The following LRRTM4 variants were observed in gnomAD, a reference collection of about 807,000 sequenced individuals.
LRRTM4 encodes the protein leucine-rich repeat transmembrane neuronal protein 4.
A neutral mutation model predicts 47.6 loss-of-function variants in LRRTM4; 25 were observed. The observed-to-expected ratio is 0.53, with a 90% CI of 0.38 to 0.73. The LOEUF (loss-of-function observed/expected upper bound fraction) is 0.73, where lower values mean the gene tolerates loss of function less well. Among genes scored for constraint, LRRTM4 ranks in the 30% least tolerant of loss-of-function variants. The pLI is 0.00. For missense variants in LRRTM4, 638 were observed against 713.4 expected, an observed-to-expected ratio of 0.89 and a Z score of 1.20; for synonymous variants, 311 against 269.5, an observed-to-expected ratio of 1.15 and a Z score of -1.51.
chr2:77,230,582 C>T (rs1425129564), intron 3 of LRRTM4, among the ~76,000 whole-genome samples: 2 of 152,070 alleles, frequency 1.3e-5, no homozygotes, highest in Admixed American at 6.6e-5. Context: ...TTTTGACATT[C>T]TTTCCTAAAA....
At chr2:76,808,298 C>G (rs1022476005) in intron 3 of LRRTM4, among the ~76,000 whole-genome samples, 1 of 152,032 alleles carries the variant, frequency 6.6e-6, no homozygotes, top group East Asian at 1.9e-4. Context: ...AGTGAGCCAC[C>G]GCAGCTGGCC....
chr2:76,788,432 A>AAAAT (rs1674794332), intron 3 of LRRTM4, among the ~76,000 whole-genome samples: 1 of 152,194 alleles, frequency 6.6e-6, no homozygotes. Flanking sequence ...AATCAGAACA[A>AAAAT]AAATAAGCTT....
intron 3 of LRRTM4, among the ~76,000 whole-genome samples, chr2:77,437,310 C>A (rs1429563904): frequency 6.6e-6 from 1 of 152,134 alleles, no homozygotes; most frequent in African/African-American, 2.4e-5. Flanking sequence ...ATATGCTTTG[C>A]ATTTCACAAC....
chr2:77,220,579 G>A (rs1412463063), intron 3 of LRRTM4, among the ~76,000 whole-genome samples: 1 of 152,200 alleles, frequency 6.6e-6, no homozygotes, highest in Non-Finnish European at 1.5e-5. Flanking sequence ...AGTAACCGAT[G>A]TGATCAACTG....
At chr2:77,068,782 C>A (rs1680047517) in intron 3 of LRRTM4, among the ~76,000 whole-genome samples, 1 of 152,164 alleles carries the variant, frequency 6.6e-6, no homozygotes, top group Admixed American at 6.5e-5. Flanking sequence ...CCAAAACTGG[C>A]CATAAACAAA....
At chr2:76,905,516 T>C (rs919601634) in intron 3 of LRRTM4, among the ~76,000 whole-genome samples, 5 of 151,690 alleles carry the variant, frequency 3.3e-5, no homozygotes, top group African/African-American at 4.8e-5. Context: ...CTTTGACGAG[T>C]TGAGAGAAGA....
At chr2:76,847,954 G>A (rs1370003547) in intron 3 of LRRTM4, among the ~76,000 whole-genome samples, 2 of 152,080 alleles carry the variant, frequency 1.3e-5, no homozygotes, top group Non-Finnish European at 2.9e-5. Flanking sequence ...AGTAAGAAAT[G>A]GAAGATCTAC....
intron 3 of LRRTM4, among the ~76,000 whole-genome samples, chr2:77,405,054 A>C (rs928242689): frequency 2.0e-5 from 3 of 152,128 alleles, no homozygotes; most frequent in Non-Finnish European, 1.5e-5. Flanking sequence ...TTAAACAATC[A>C]GCAATCAGTT....
At chr2:77,077,553 A>G (rs753130222) in intron 3 of LRRTM4, among the ~76,000 whole-genome samples, 7 of 152,156 alleles carry the variant, frequency 4.6e-5, no homozygotes, top group Non-Finnish European at 7.4e-5. Flanking sequence ...AACCCAGTTC[A>G]TTGGAGCTGT....
At chr2:76,967,157 CTTTTTT>C (rs537519196) in intron 3 of LRRTM4, among the ~76,000 whole-genome samples, 1 of 134,700 alleles carries the variant, frequency 7.4e-6, no homozygotes, top group Non-Finnish European at 1.6e-5. Context: ...CATTCCCTTG[CTTTTTT>C]TTTTTTTTTT....
At chr2:77,428,394 T>C (rs1424869545) in intron 3 of LRRTM4, among the ~76,000 whole-genome samples, 1 of 152,220 alleles carries the variant, frequency 6.6e-6, no homozygotes, top group African/African-American at 2.4e-5. Flanking sequence ...GGCAATTACA[T>C]AAATGTAACT....
chr2:77,016,188 C>T (rs1678061756), intron 3 of LRRTM4, among the ~76,000 whole-genome samples: 1 of 152,012 alleles, frequency 6.6e-6, no homozygotes, highest in Admixed American at 6.6e-5. Flanking sequence ...GAGTTCAAGA[C>T]CATCCTGGCC....
At chr2:76,948,237 G>C (rs1184778428) in intron 3 of LRRTM4, among the ~76,000 whole-genome samples, 1 of 151,756 alleles carries the variant, frequency 6.6e-6, no homozygotes, top group African/African-American at 2.4e-5. Context: ...CAACTTTATA[G>C]ATAGAAGTGA....
chr2:77,476,618 C>G (rs1331877785), intron 3 of LRRTM4, among the ~76,000 whole-genome samples: 1 of 152,036 alleles, frequency 6.6e-6, no homozygotes, highest in African/African-American at 2.4e-5. Flanking sequence ...TTTGGAAAAT[C>G]TTTACTATGG....
intron 3 of LRRTM4, among the ~76,000 whole-genome samples, chr2:76,827,643 T>C (rs1671225327): frequency 6.6e-6 from 1 of 151,866 alleles, no homozygotes; most frequent in Non-Finnish European, 1.5e-5. Context: ...GTAGTAAAGA[T>C]GTATATGAGG....
chr2:77,025,795 AT>A (rs760868437), intron 3 of LRRTM4, among the ~76,000 whole-genome samples: 1 of 152,196 alleles, frequency 6.6e-6, no homozygotes, highest in Non-Finnish European at 1.5e-5. Flanking sequence ...AAGTTGTATA[AT>A]TTTTTTATCC....
chr2:76,952,738 C>T (rs1439363389), intron 3 of LRRTM4, among the ~76,000 whole-genome samples: 6 of 151,868 alleles, frequency 4.0e-5, no homozygotes, highest in African/African-American at 1.4e-4. Context: ...GACAAATGCA[C>T]TTGTATGTTC....
intron 3 of LRRTM4, among the ~76,000 whole-genome samples, chr2:77,138,252 C>T (rs1028960685): frequency 3.9e-5 from 6 of 152,198 alleles, no homozygotes; most frequent in African/African-American, 1.4e-4. Flanking sequence ...TGTAAAAGAA[C>T]AGAAATTATA....
intron 3 of LRRTM4, among the ~76,000 whole-genome samples, chr2:76,854,825 T>C (rs1052470247): frequency 6.6e-6 from 1 of 151,532 alleles, no homozygotes; most frequent in Non-Finnish European, 1.5e-5. Flanking sequence ...TTTTTTTTTT[T>C]CACAGAGCTA....
Sources: gnomAD v4.1 joint callset for allele counts (sites outside exome capture counted in the v4.1 genomes callset) on GRCh38, gnomAD v4.1.1 for gene constraint, MANE v1.5 for transcripts, NCBI Gene and HGNC (gene_info 2026-07-23, HGNC 2026-07-21) for gene names.